TENM2: variants seen among roughly 807,000 people sequenced by gnomAD.
TENM2 encodes teneurin-2.
In TENM2, 52 loss-of-function variants were observed where a neutral mutation model predicts 245.2. The ratio of observed to expected loss-of-function variants is 0.21; its 90% CI spans 0.17 to 0.27. The LOEUF (loss-of-function observed/expected upper bound fraction) is 0.27, where lower values mean the gene tolerates loss of function less well. Among genes scored for constraint, TENM2 ranks in the 10% least tolerant of loss-of-function variants. The pLI is 1.00. For missense variants in TENM2, 3,046 were observed against 3,666.8 expected, an observed-to-expected ratio of 0.83 and a Z score of 4.37; for synonymous variants, 1,363 against 1,438.9, an observed-to-expected ratio of 0.95 and a Z score of 1.19.
chr5:167,329,390 A>AC, intron 1 of TENM2, among the ~76,000 whole-genome samples: 1 of 26,076 alleles, frequency 3.8e-5, no homozygotes, highest in Admixed American at 5.2e-4. Flanking sequence ...CTAAAAATAC[A>AC]AAAAAAAAAA....
chr5:168,196,533 C>T (rs1761443224), intron 15 of TENM2, among the ~76,000 whole-genome samples: 1 of 152,234 alleles, frequency 6.6e-6, no homozygotes. Flanking sequence ...GCAATCTCGG[C>T]TCACTGCAAC....
intron 1 of TENM2, among the ~76,000 whole-genome samples, chr5:167,293,666 G>A (rs374252803): frequency 3.9e-5 from 6 of 152,172 alleles, no homozygotes; most frequent in African/African-American, 1.4e-4. Flanking sequence ...AAAGGTCAAC[G>A]CTTGCAAATA....
intron 2 of TENM2, among the ~76,000 whole-genome samples, chr5:167,413,519 A>G (rs1400883811): frequency 6.6e-6 from 1 of 152,114 alleles, no homozygotes; most frequent in African/African-American, 2.4e-5. Flanking sequence ...GAGATGTCTA[A>G]TTTGAATTTT....
the TENM2 span, among the ~76,000 whole-genome samples, chr5:167,190,938 A>C: frequency 6.6e-6 from 1 of 152,084 alleles, no homozygotes; most frequent in African/African-American, 2.4e-5. Flanking sequence ...TTGCATATAC[A>C]TGTGTTTAAA....
At chr5:168,053,086 C>T (rs574336350) in intron 6 of TENM2, among the ~76,000 whole-genome samples, 5 of 152,104 alleles carry the variant, frequency 3.3e-5, no homozygotes, top group Non-Finnish European at 7.4e-5. Flanking sequence ...TTTCCAAAGT[C>T]GGTGAAGTTC....
In TENM2 at chr5:167,353,225, C is replaced by A. The variant is rs1759044156; in HGVS notation, c.227-21973C>A. ...AAATAAACTTTTTGTTATTTGAGGT[C>A]TTGGAGCCATGTCTTTATATAAACT... On this transcript the variant is annotated intron_variant, in intron 1 of 28. Coordinates refer to ENST00000518659, the Ensembl canonical transcript of TENM2. Among the ~76,000 whole-genome samples, 4 of 150,162 alleles carry A rather than the reference C, an allele frequency of 2.7e-5. 1 individual carries two copies. In the South Asian group the frequency reaches 8.4e-4, roughly 31 times the overall value.
At chr5:167,635,010 A>T (rs1779105173) in intron 2 of TENM2, among the ~76,000 whole-genome samples, 1 of 152,188 alleles carries the variant, frequency 6.6e-6, no homozygotes, top group Admixed American at 6.5e-5. Flanking sequence ...TGAAGTCTCA[A>T]CTGGGTACCC....
chr5:167,001,531 C>A, the TENM2 span, among the ~76,000 whole-genome samples: 2 of 149,136 alleles, frequency 1.3e-5, no homozygotes, highest in South Asian at 2.1e-4. Flanking sequence ...TGAGATCTAT[C>A]CAAAGTGGAA....
At chr5:167,680,028 C>G (rs1349471003) in intron 2 of TENM2, among the ~76,000 whole-genome samples, 1 of 152,078 alleles carries the variant, frequency 6.6e-6, no homozygotes, top group African/African-American at 2.4e-5. Flanking sequence ...TCCTTGTTAA[C>G]TCCTTACCCT....
chr5:167,715,693 G>C (rs1759208179), intron 2 of TENM2, among the ~76,000 whole-genome samples: 1 of 152,120 alleles, frequency 6.6e-6, no homozygotes, highest in Non-Finnish European at 1.5e-5. Context: ...AAATGATAAG[G>C]TCACATTTTC....
chr5:167,539,960 G>A (rs1772092712), intron 2 of TENM2, among the ~76,000 whole-genome samples: 1 of 152,058 alleles, frequency 6.6e-6, no homozygotes, highest in Non-Finnish European at 1.5e-5. Flanking sequence ...ATTAGTGTTA[G>A]AAGATTAATC....
chr5:168,119,660 T>C (rs757816959), intron 10 of TENM2, among the ~76,000 whole-genome samples: 5 of 152,188 alleles, frequency 3.3e-5, no homozygotes, highest in Non-Finnish European at 7.4e-5. Context: ...CTGAATTGGC[T>C]TCATCATTGT....
chr5:167,831,485 CT>C (rs10667494), intron 2 of TENM2, among the ~76,000 whole-genome samples: 10,319 of 127,664 alleles, frequency 0.081, 484 homozygotes, highest in African/African-American at 0.14. Flanking sequence ...GAGTTCAGCA[CT>C]TTTTTTTTTT....
the TENM2 span, among the ~76,000 whole-genome samples, chr5:167,028,262 G>A: frequency 2.0e-5 from 3 of 151,912 alleles, no homozygotes; most frequent in Admixed American, 1.3e-4. Flanking sequence ...TAACATTTAA[G>A]TTGTTTGTAA....
intron 2 of TENM2, among the ~76,000 whole-genome samples, chr5:167,761,273 G>A (rs1762646641): frequency 6.6e-6 from 1 of 151,974 alleles, no homozygotes; most frequent in Admixed American, 6.6e-5. Context: ...TATTGATTAT[G>A]TGATTGTCTG....
intron 3 of TENM2, among the ~76,000 whole-genome samples, chr5:167,942,772 T>C (rs1779291153): frequency 6.6e-6 from 1 of 152,162 alleles, no homozygotes; most frequent in South Asian, 2.1e-4. Flanking sequence ...TCTGATTTAT[T>C]TTAATTGGGA....
chr5:167,970,245 G>A (rs1253641618), intron 4 of TENM2, among the ~76,000 whole-genome samples: 1 of 152,184 alleles, frequency 6.6e-6, no homozygotes, highest in Non-Finnish European at 1.5e-5. Context: ...CACCCTCTCT[G>A]GTTGACTTCT....
chr5:167,198,959 A>G, the TENM2 span, among the ~76,000 whole-genome samples: 1 of 151,996 alleles, frequency 6.6e-6, no homozygotes, highest in African/African-American at 2.4e-5. Flanking sequence ...TAATCAATAG[A>G]TGCCTGATTT....
chr5:167,170,627 A>G, the TENM2 span, among the ~76,000 whole-genome samples: 2 of 152,192 alleles, frequency 1.3e-5, no homozygotes, highest in African/African-American at 4.8e-5. Flanking sequence ...ATCCATTGAC[A>G]TAACATTAGG....
Sources: gnomAD v4.1 joint callset for allele counts (sites outside exome capture counted in the v4.1 genomes callset) on GRCh38, gnomAD v4.1.1 for gene constraint, MANE v1.5 for transcripts, NCBI Gene and HGNC (gene_info 2026-07-23, HGNC 2026-07-21) for gene names.